Variants in ADAM2 observed in about 807,000 individuals in gnomAD.
The protein encoded by ADAM2 is disintegrin and metalloproteinase domain-containing protein 2.
Under a neutral mutation model 99.3 loss-of-function variants are expected in ADAM2, and 101 were observed. The observed-to-expected ratio is 1.02, with a 90% confidence interval of 0.87 to 1.20. The LOEUF is 1.20. Ranked by LOEUF, ADAM2 falls within the 50% of genes most tolerant of loss-of-function variation. ADAM2 has a pLI of 0.00. For synonymous variants in ADAM2, 323 were observed against 287.6 expected, an observed-to-expected ratio of 1.12 and a Z score of -1.25; for missense variants, 948 against 878.7, an observed-to-expected ratio of 1.08 and a Z score of -1.00.
At position 39,788,701 on chromosome 8, in the gene ADAM2, T is replaced by A; in HGVS notation, c.610A>T (p.Lys204Ter). Reference protein sequence around the residue: ...MGSDTTVVAQKVFQLIGLTNA... With the variant: ...MGSDTTVVAQ ...GTCAATCCAATCAACTGGAAAACTT[T>A]TTGAGCGACAACAGTTGTATCAGAC... is the stretch of plus-strand genomic sequence containing the variant. Residue 204 changes from lysine (K) to a stop codon, truncating the protein, a stop_gained, in exon 8 of 21, where the codon AAA (lysine) becomes TAA (stop). Coordinates refer to ENST00000265708, the MANE Select transcript of ADAM2 (RefSeq NM_001464.5). LOFTEE classifies it high-confidence loss of function. 6.3e-7 allele frequency: 1 copy of A among 1,582,836 alleles called. No homozygotes were observed. Among genetic ancestry groups the A allele is most frequent in the Non-Finnish European group, 8.6e-7 (1 of 1,162,446 alleles).
chr8:39,793,148 G>T (rs1803790858), intron 7 of ADAM2, among the ~76,000 whole-genome samples: 1 of 152,006 alleles, frequency 6.6e-6, no homozygotes, highest in South Asian at 2.1e-4. Context: ...TTCTTTTCAC[G>T]ATCATGTTGT....
intron 10 of ADAM2, among the ~76,000 whole-genome samples, chr8:39,784,111 A>C (rs1329086712): frequency 6.6e-6 from 1 of 152,176 alleles, no homozygotes; most frequent in Non-Finnish European, 1.5e-5. Context: ...CTGCAGGATT[A>C]GGTAGAAAGG....
At chr8:39,756,710 A>G (rs1802163702) in intron 15 of ADAM2, among the ~76,000 whole-genome samples, 1 of 152,212 alleles carries the variant, frequency 6.6e-6, no homozygotes, top group African/African-American at 2.4e-5. Flanking sequence ...GACAACGAAA[A>G]TGGGCAACCC....
chr8:39,794,102 G>A (rs905939783), intron 7 of ADAM2, among the ~76,000 whole-genome samples: 1 of 152,108 alleles, frequency 6.6e-6, no homozygotes, highest in Non-Finnish European at 1.5e-5. Flanking sequence ...AGTGAGTTTT[G>A]TGTGTTACTG....
At chr8:39,804,679 A>T (rs1195780716) in intron 7 of ADAM2, among the ~76,000 whole-genome samples, 1 of 152,208 alleles carries the variant, frequency 6.6e-6, no homozygotes, top group Non-Finnish European at 1.5e-5. Context: ...CATTAAAATT[A>T]TAAAAAATTA....
chr8:39,792,086 C>CTT, intron 7 of ADAM2, among the ~76,000 whole-genome samples: 1 of 148,200 alleles, frequency 6.7e-6, no homozygotes, highest in South Asian at 2.1e-4. Flanking sequence ...CCATCTTGGG[C>CTT]TTTTTTTTTT....
At position 39,837,218 on chromosome 8, in the gene ADAM2, AAATGTGCAAAATGTTTTATTAGAAC is replaced by A. The variant is rs751524903; in HGVS notation, c.56-31_56-7del. The A allele has an allele frequency of 3.4e-4, 537 of 1,589,576 alleles. No homozygotes were observed. In the East Asian group the frequency reaches 6.8e-3, roughly 20 times the overall value. On this transcript the variant is annotated splice_region_variant and splice_polypyrimidine_tract_variant and intron_variant, in intron 1 of 20. Transcript: ENST00000265708. ...CACAGGTAAACTATCAAAATCTGCA[AAATGTGCAAAATGTTTTATTAGAAC>A]AATGCCCATCATTTCAGAGCGTGTT...
intron 15 of ADAM2, among the ~76,000 whole-genome samples, chr8:39,760,329 A>T (rs570690404): frequency 3.9e-5 from 6 of 152,120 alleles, no homozygotes; most frequent in Middle Eastern, 3.4e-3. Flanking sequence ...ATTACATATT[A>T]AAAAAAACTG....
intron 19 of ADAM2, among the ~76,000 whole-genome samples, chr8:39,745,882 T>G (rs1033993816): frequency 4.6e-5 from 7 of 151,982 alleles, no homozygotes; most frequent in Admixed American, 4.6e-4. Flanking sequence ...AAGATAAACT[T>G]TAAACTTGAA....
At chr8:39,753,015 T>C (rs1802008007) in intron 16 of ADAM2, among the ~76,000 whole-genome samples, 1 of 152,178 alleles carries the variant, frequency 6.6e-6, no homozygotes, top group Non-Finnish European at 1.5e-5. Context: ...GGAGTGCTGC[T>C]GTGAAAATAC....
In ADAM2 at chr8:39,784,212, A is replaced by G. The variant is rs182748695; in HGVS notation, c.891+2762T>C. Among the ~76,000 whole-genome samples, 7 of 152,292 alleles carry G rather than the reference A, an allele frequency of 4.6e-5. No individual in the cohort carries two copies. In the East Asian group the frequency reaches 7.7e-4, roughly 17 times the overall value. Reference sequence around the variant, plus strand: ...AACATTGTTTATAGCTGATTTTTCCAGTGAAAGGGCAGGCAAAATAACTGT... The same window carrying G: ...AACATTGTTTATAGCTGATTTTTCCGGTGAAAGGGCAGGCAAAATAACTGT... On this transcript the variant is annotated intron_variant, in intron 10 of 20. Transcript: ENST00000265708.
chr8:39,812,873 A>T (rs1052923301), intron 6 of ADAM2, among the ~76,000 whole-genome samples: 4 of 152,262 alleles, frequency 2.6e-5, no homozygotes, highest in South Asian at 2.1e-4. Context: ...GGACTTCAGG[A>T]CTAAAACACC....
At chr8:39,789,768 G>A (rs1051539322) in intron 7 of ADAM2, among the ~76,000 whole-genome samples, 5 of 147,564 alleles carry the variant, frequency 3.4e-5, no homozygotes, top group African/African-American at 1.0e-4. Flanking sequence ...CTTCAGAAAT[G>A]GTAAAAATAT....
At chr8:39,782,094 A>G (rs1487185862) in intron 10 of ADAM2, among the ~76,000 whole-genome samples, 2 of 152,198 alleles carry the variant, frequency 1.3e-5, no homozygotes, top group African/African-American at 4.8e-5. Context: ...TTGAAAGGCA[A>G]ATCAATCAAG....
At chr8:39,778,336 G>C (rs962550900) in intron 10 of ADAM2, among the ~76,000 whole-genome samples, 3 of 152,120 alleles carry the variant, frequency 2.0e-5, no homozygotes, top group East Asian at 3.9e-4. Context: ...TTATGTCAGA[G>C]GGATGCTTTG....
At chr8:39,744,617 C>T (rs1281009781) in intron 20 of ADAM2, among the ~76,000 whole-genome samples, 6 of 152,016 alleles carry the variant, frequency 3.9e-5, no homozygotes, top group Non-Finnish European at 8.8e-5. Flanking sequence ...GGGAACATCA[C>T]ACACCAGAAC....
At chr8:39,835,780 T>C (rs944081236) in intron 2 of ADAM2, among the ~76,000 whole-genome samples, 1 of 152,032 alleles carries the variant, frequency 6.6e-6, no homozygotes, top group Non-Finnish European at 1.5e-5. Flanking sequence ...TCATATTATG[T>C]TTATAGTATT....
intron 5 of ADAM2, 109 bp downstream of exon 5, chr8:39,821,477 C>T: frequency 1.2e-6 from 1 of 850,570 alleles, no homozygotes; most frequent in Non-Finnish European, 1.8e-6. Flanking sequence ...GGCAGTTTTC[C>T]ACAATAGTCA....
intron 7 of ADAM2, among the ~76,000 whole-genome samples, chr8:39,789,694 T>A (rs946270284): frequency 1.3e-5 from 2 of 151,592 alleles, no homozygotes; most frequent in African/African-American, 4.8e-5. Context: ...TGGAGAAAGA[T>A]TAAGTTTTCA....
Sources: allele counts gnomAD v4.1 joint callset (sites outside exome capture counted in the v4.1 genomes callset), GRCh38; gene constraint gnomAD v4.1.1; transcripts MANE v1.5; gene names NCBI Gene and HGNC (gene_info 2026-07-23, HGNC 2026-07-21).